CCDC34: variants seen among roughly 807,000 people sequenced by gnomAD.
CCDC34 encodes coiled-coil domain containing 34.
In CCDC34, 40 loss-of-function variants were observed where a neutral mutation model predicts 44.1. The ratio of observed to expected loss-of-function variants is 0.91; its 90% CI spans 0.70 to 1.18. CCDC34 has a LOEUF of 1.18. Among genes scored for constraint, CCDC34 ranks in the 50% most tolerant of loss-of-function variants. The pLI is 0.00. For synonymous variants in CCDC34, 159 were observed against 158.2 expected (o/e 1.01, Z -0.04); for missense variants, 466 against 452.3 (o/e 1.03, Z -0.28).
chr11:27,352,389 A>AAAAAGG (rs71449147), intron 2 of CCDC34, among the ~76,000 whole-genome samples: 9,686 of 151,328 alleles, frequency 0.064, 447 homozygotes, highest in Non-Finnish European at 0.093. Flanking sequence ...TCTCAAAAAA[A>AAAAAGG]AAAAGGAAAA....
intron 2 of CCDC34, among the ~76,000 whole-genome samples, chr11:27,354,958 T>C (rs1294256815): frequency 1.3e-5 from 2 of 152,028 alleles, no homozygotes; most frequent in African/African-American, 4.8e-5. Context: ...CTCAGAGAAG[T>C]TAATTAACTT....
intron 2 of CCDC34, among the ~76,000 whole-genome samples, chr11:27,356,025 T>C (rs1450848900): frequency 6.9e-6 from 1 of 144,142 alleles, no homozygotes; most frequent in Non-Finnish European, 1.5e-5. Context: ...TTTTTTTTTT[T>C]TTTTTTTTTT....
rs1368997303 is a variant in CCDC34 at position 27,357,494 on chromosome 11, C to T, written c.407G>A (p.Arg136His). The T allele has an allele frequency of 5.6e-6, 9 of 1,613,866 alleles. No homozygotes were observed. The highest frequency in any genetic ancestry group is 5.5e-5 in the South Asian group (5 of 91,070). ...ENNQEEQKQVRLPESRLTPWE... is the reference protein window; with the variant it reads ...ENNQEEQKQVHLPESRLTPWE... ...TGGTGTCAGGCGGCTTTCTGGTAAGCGCACCTGTTTCTGTTCTTCTTGGTT... is the reference window on the plus strand; with the variant it reads ...TGGTGTCAGGCGGCTTTCTGGTAAGTGCACCTGTTTCTGTTCTTCTTGGTT... The change falls in exon 2 of 6, where the codon CGC (arginine) becomes CAC (histidine). Residue 136 changes from arginine (R) to histidine (H), a missense_variant. Arg to His is a conservative substitution (Grantham distance 29, BLOSUM62 0). Transcript: ENST00000328697.
At chr11:27,352,639 A>G (rs1235224032) in intron 2 of CCDC34, among the ~76,000 whole-genome samples, 1 of 152,188 alleles carries the variant, frequency 6.6e-6, no homozygotes, top group African/African-American at 2.4e-5. Context: ...GTAATTATTT[A>G]AATGTATAAC....
At chr11:27,351,133 T>C (rs1362056884) in intron 2 of CCDC34, among the ~76,000 whole-genome samples, 2 of 152,348 alleles carry the variant, frequency 1.3e-5, no homozygotes, top group East Asian at 1.9e-4. Flanking sequence ...AATTACTGCA[T>C]TGGTTTAGAA....
chr11:27,361,871 G>A (rs987576416), intron 1 of CCDC34, among the ~76,000 whole-genome samples: 1 of 152,122 alleles, frequency 6.6e-6, no homozygotes, highest in Non-Finnish European at 1.5e-5. Context: ...AATGATTTCC[G>A]AAGAAAACGT....
Position 27,363,093 on chromosome 11 carries a change from T to C in CCDC34, c.102A>G (p.Ser34=), listed in dbSNP as rs756037198. ...GCCCACGTGCGCCCGTCATAGGGAC[T>C]GAGCAGGAGTCCGAGGAGGGCCGAG... ...PRSRPSSDSC[S]VPMTGARGQG... is the part of the protein sequence containing the mutation. Residue 34 remains serine (S), a synonymous_variant, in exon 1 of 6, where the codon TCA becomes TCG. Transcript: ENST00000328697. The C allele has an allele frequency of 6.2e-7, 1 of 1,604,188 alleles. No homozygotes were observed. The highest frequency in any genetic ancestry group is 1.1e-5 in the South Asian group (1 of 90,386).
intron 3 of CCDC34, 112 bp downstream of exon 3, chr11:27,350,220 A>G (rs1375150618): frequency 1.9e-6 from 3 of 1,587,092 alleles, no homozygotes; most frequent in Non-Finnish European, 2.6e-6. Flanking sequence ...AACAAGCCAA[A>G]GAAGAAAGAC....
chr11:27,354,426 A>C (rs1862544076), intron 2 of CCDC34, among the ~76,000 whole-genome samples: 1 of 152,164 alleles, frequency 6.6e-6, no homozygotes, highest in Non-Finnish European at 1.5e-5. Flanking sequence ...ATATTAGTCC[A>C]TATCCTGATG....
intron 3 of CCDC34, among the ~76,000 whole-genome samples, chr11:27,342,224 C>T (rs999767363): frequency 6.6e-6 from 1 of 150,994 alleles, no homozygotes; most frequent in African/African-American, 2.4e-5. Flanking sequence ...GTAAAAATTA[C>T]AATCTGTTAG....
intron 2 of CCDC34, among the ~76,000 whole-genome samples, 186 bp from the exon 3 acceptor site, chr11:27,350,625 A>G (rs1172322474): frequency 6.6e-6 from 1 of 152,374 alleles, no homozygotes; most frequent in Non-Finnish European, 1.5e-5. Context: ...TGGTAAAAGT[A>G]TAAGTCATTT....
chr11:27,363,182 C>T lies in CCDC34; in HGVS notation c.13G>A (p.Gly5Arg). MWAA[G>R]RWGPTFPSSY... ...GAGGGAAAAGTAGGCCCCCAGCGCCCCGCCGCCCACATCTGGCCCGCCAAG... is the reference window on the plus strand; with the variant it reads ...GAGGGAAAAGTAGGCCCCCAGCGCCTCGCCGCCCACATCTGGCCCGCCAAG... The change falls in exon 1 of 6, where the codon GGG becomes AGG. Residue 5 changes from glycine to arginine, a missense_variant. Physicochemically the swap from Gly to Arg is moderately radical, Grantham distance 125 (BLOSUM62 -2). Coordinates refer to ENST00000328697, the MANE Select transcript of CCDC34 (RefSeq NM_030771.2). The T allele has an allele frequency of 1.3e-6, 2 of 1,484,984 alleles. No homozygotes were observed. The highest frequency in any genetic ancestry group is 2.7e-5 in the South Asian group (2 of 73,064). The allele number at this position is 1,484,984 out of a possible 1,614,324, so 92.0% of individuals were successfully genotyped here. A position where few individuals can be genotyped will look rare whatever the true frequency, so the allele number is the denominator to read the frequency against.
chr11:27,357,994 T>C (rs1045293827), intron 1 of CCDC34, among the ~76,000 whole-genome samples: 1 of 152,214 alleles, frequency 6.6e-6, no homozygotes, highest in Non-Finnish European at 1.5e-5. Context: ...AGAGCAAACA[T>C]GTAACAATTA....
At chr11:27,341,770 G>C (rs1862362867) in intron 3 of CCDC34, among the ~76,000 whole-genome samples, 1 of 152,202 alleles carries the variant, frequency 6.6e-6, no homozygotes, top group Admixed American at 6.5e-5. Context: ...CATGAGGTCA[G>C]TGACAAAGAT....
intron 3 of CCDC34, among the ~76,000 whole-genome samples, chr11:27,343,135 T>C (rs1244918785): frequency 6.6e-6 from 1 of 152,168 alleles, no homozygotes; most frequent in African/African-American, 2.4e-5. Flanking sequence ...GCATGGTCGT[T>C]CATGCCTGTA....
chr11:27,354,864 A>C (rs1472704495), intron 2 of CCDC34, among the ~76,000 whole-genome samples: 1 of 152,122 alleles, frequency 6.6e-6, no homozygotes, highest in Admixed American at 6.6e-5. Context: ...GTCTCAAAAA[A>C]CGAAAACAAA....
chr11:27,338,657 C>A lies in CCDC34; in HGVS notation c.*164G>T. The A allele has an allele frequency of 1.7e-6, 1 of 590,796 alleles. No individual in the cohort carries two copies. 36.6% of individuals were successfully genotyped at this position (590,796 alleles called of 1,614,324 possible). A position where few individuals can be genotyped will look rare whatever the true frequency, so the allele number is the denominator to read the frequency against. Reference sequence around the variant, plus strand: ...TAAAAAGTTTATAAAAACCAAAATCCAGAAAATATCTTCCTCAACTCTAAG... The same window carrying A: ...TAAAAAGTTTATAAAAACCAAAATCAAGAAAATATCTTCCTCAACTCTAAG... On this transcript the variant is annotated 3_prime_UTR_variant, in exon 6 of 6. Coordinates refer to ENST00000328697, the MANE Select transcript of CCDC34 (RefSeq NM_030771.2).
At chr11:27,352,535 A>G (rs949023579) in intron 2 of CCDC34, among the ~76,000 whole-genome samples, 1 of 152,186 alleles carries the variant, frequency 6.6e-6, no homozygotes, top group African/African-American at 2.4e-5. Flanking sequence ...AAATATATAA[A>G]TATGAAAGAC....
intron 1 of CCDC34, among the ~76,000 whole-genome samples, chr11:27,362,592 G>A (rs555011030): frequency 6.6e-6 from 1 of 152,238 alleles, no homozygotes; most frequent in Non-Finnish European, 1.5e-5. Context: ...ACATTTTTCT[G>A]GGAAGTGAGA....
Sources: allele counts gnomAD v4.1 joint callset (sites outside exome capture counted in the v4.1 genomes callset), GRCh38; gene constraint gnomAD v4.1.1; transcripts MANE v1.5; gene names NCBI Gene and HGNC (gene_info 2026-07-23, HGNC 2026-07-21).